ERBB4: variants seen among roughly 807,000 people sequenced by gnomAD.
ERBB4 encodes the protein receptor tyrosine-protein kinase erbB-4.
In ERBB4, 42 loss-of-function variants were observed where a neutral mutation model predicts 158.0. The observed-to-expected ratio is 0.27, with a 90% CI of 0.21 to 0.34. The LOEUF is 0.34. ERBB4 is among the 10% of genes least tolerant of loss of function. The pLI, the probability that ERBB4 is intolerant of heterozygous loss-of-function variation, is 1.00. For missense variants in ERBB4, 1,333 were observed against 1,624.1 expected, an observed-to-expected ratio of 0.82 and a Z score of 3.08; for synonymous variants, 583 against 558.7, an observed-to-expected ratio of 1.04 and a Z score of -0.61.
chr2:212,018,126 C>G (rs372939767), intron 2 of ERBB4, among the ~76,000 whole-genome samples: 88 of 152,178 alleles, frequency 5.8e-4, no homozygotes, highest in African/African-American at 2.1e-3. Context: ...TATTAACCAC[C>G]ACCCCAGGAA....
intron 1 of ERBB4, among the ~76,000 whole-genome samples, chr2:212,290,896 G>A (rs1417625146): frequency 1.3e-5 from 2 of 152,000 alleles, no homozygotes; most frequent in African/African-American, 2.4e-5. Flanking sequence ...ATAGTTTAAC[G>A]GAACAAGATT....
At chr2:212,179,137 C>T (rs1363027049) in intron 1 of ERBB4, among the ~76,000 whole-genome samples, 2 of 151,408 alleles carry the variant, frequency 1.3e-5, no homozygotes, top group Non-Finnish European at 3.0e-5. Flanking sequence ...TGTAAAGCTC[C>T]TATGTCTTTT....
chr2:211,878,193 T>C (rs1352534845), intron 3 of ERBB4, among the ~76,000 whole-genome samples: 1 of 152,204 alleles, frequency 6.6e-6, no homozygotes, highest in African/African-American at 2.4e-5. Flanking sequence ...AAATCTTCCA[T>C]CGAAATTTAT....
intron 1 of ERBB4, among the ~76,000 whole-genome samples, chr2:212,504,659 A>G (rs745775801): frequency 6.6e-6 from 1 of 152,202 alleles, no homozygotes; most frequent in Non-Finnish European, 1.5e-5. Context: ...AGTCTGAACC[A>G]TAACGTATAG....
chr2:211,591,631 G>A (rs1316160199), intron 19 of ERBB4, among the ~76,000 whole-genome samples: 2 of 152,190 alleles, frequency 1.3e-5, no homozygotes, highest in Admixed American at 6.5e-5. Context: ...AATAGGTACC[G>A]CTATTATAGC....
chr2:211,844,385 T>G (rs1298871696), intron 3 of ERBB4, among the ~76,000 whole-genome samples: 1 of 152,210 alleles, frequency 6.6e-6, no homozygotes, highest in Non-Finnish European at 1.5e-5. Context: ...TTGTGCTCAT[T>G]TAAAATAATG....
At chr2:212,430,798 G>A (rs750905969) in intron 1 of ERBB4, among the ~76,000 whole-genome samples, 5 of 152,040 alleles carry the variant, frequency 3.3e-5, no homozygotes, top group African/African-American at 4.8e-5. Context: ...ATCTCATGTT[G>A]AGAAAGCAAG....
At chr2:211,888,899 C>T (rs906718176) in intron 3 of ERBB4, among the ~76,000 whole-genome samples, 2 of 151,694 alleles carry the variant, frequency 1.3e-5, no homozygotes, top group Non-Finnish European at 2.9e-5. Flanking sequence ...GAGGGTCCTA[C>T]GCCCACGGAG....
chr2:212,160,831 T>G (rs1915746), intron 1 of ERBB4, among the ~76,000 whole-genome samples: 6,892 of 152,114 alleles, frequency 0.045, 211 homozygotes, highest in Non-Finnish European at 0.066. Context: ...CTTTGTGAGA[T>G]ATCCGCACAA....
At chr2:211,548,351 A>G (rs1000512248) in intron 20 of ERBB4, among the ~76,000 whole-genome samples, 4 of 151,958 alleles carry the variant, frequency 2.6e-5, no homozygotes, top group African/African-American at 7.2e-5. Context: ...TAAAAAAAAA[A>G]AAACCTTGGG....
chr2:211,693,479 C>T lies in ERBB4; in HGVS notation c.1489+8488G>A, dbSNP rs893242625. Among the ~76,000 whole-genome samples the T allele has an allele frequency of 3.0e-4, 46 of 152,180 alleles. 1 individual carries two copies. The highest frequency in any genetic ancestry group is 1.0e-3 in the African/African-American group (43 of 41,508). ...ATATTATTAAATATATGGTTTTAAG[C>T]TATTCAATTATGAATTTTCCTACAA... On this transcript the variant is annotated intron_variant, in intron 12 of 27. Transcript: ENST00000342788.
chr2:212,481,842 A>T (rs1235531755), intron 1 of ERBB4, among the ~76,000 whole-genome samples: 6 of 152,236 alleles, frequency 3.9e-5, no homozygotes. Context: ...TTACATTTTC[A>T]TCCATATATT....
intron 19 of ERBB4, among the ~76,000 whole-genome samples, chr2:211,599,086 C>A (rs2068721361): frequency 6.6e-6 from 1 of 152,308 alleles, no homozygotes; most frequent in African/African-American, 2.4e-5. Flanking sequence ...ACTGTTAAAA[C>A]TGAGCAGTGA....
chr2:212,461,434 A>G (rs1205471232), intron 1 of ERBB4, among the ~76,000 whole-genome samples: 1 of 152,170 alleles, frequency 6.6e-6, no homozygotes, highest in Non-Finnish European at 1.5e-5. Context: ...TGGATTTCAG[A>G]CATGCATGGG....
In ERBB4 at chr2:211,729,717, C is replaced by A. The variant is rs528579821; in HGVS notation, c.623-4523G>T. On this transcript the variant is annotated intron_variant, in intron 5 of 27. Coordinates refer to ENST00000342788, the MANE Select transcript of ERBB4 (RefSeq NM_005235.3). ...TGGGGACACAAAACAAAAAATAATT[C>A]CTGAAATCAATGAGATAAGTCAGCC... Among the ~76,000 whole-genome samples, 3 of 151,846 alleles carry A rather than the reference C, an allele frequency of 2.0e-5. No individual in the cohort carries two copies. In the South Asian group the frequency reaches 6.2e-4, roughly 32 times the overall value.
chr2:212,537,829 G>C (rs1008021564), intron 1 of ERBB4, among the ~76,000 whole-genome samples: 1 of 152,000 alleles, frequency 6.6e-6, no homozygotes, highest in Non-Finnish European at 1.5e-5. Context: ...GAAGCCGGCG[G>C]AAGAGGCCCA....
At chr2:212,230,143 G>C (rs988949645) in intron 1 of ERBB4, among the ~76,000 whole-genome samples, 4 of 151,998 alleles carry the variant, frequency 2.6e-5, no homozygotes, top group African/African-American at 9.7e-5. Context: ...AAATTAGCTG[G>C]GTGTGGTGGT....
rs965436854 is a variant in ERBB4 at position 211,409,802 on chromosome 2, A to G, written c.3135+10639T>C. Among the ~76,000 whole-genome samples the G allele has an allele frequency of 3.3e-5, 5 of 152,222 alleles. No individual in the cohort carries two copies. In the East Asian group the frequency reaches 7.7e-4, roughly 23 times the overall value. On this transcript the variant is annotated intron_variant, in intron 25 of 27. Transcript: ENST00000342788. ...AACTGAAGCTTCTCACATACCCCTT[A>G]GAAGCACAAGGACACTGGGCTACAG...
chr2:211,752,968 C>T (rs1046041937), intron 4 of ERBB4, among the ~76,000 whole-genome samples: 1 of 152,138 alleles, frequency 6.6e-6, no homozygotes, highest in Non-Finnish European at 1.5e-5. Flanking sequence ...TCCCATAAAT[C>T]GCTGTTCAGC....
Sources: allele counts gnomAD v4.1 joint callset (sites outside exome capture counted in the v4.1 genomes callset), GRCh38; gene constraint gnomAD v4.1.1; transcripts MANE v1.5; gene names NCBI Gene and HGNC (gene_info 2026-07-23, HGNC 2026-07-21).